The following CPNE8 variants were observed in gnomAD, a reference collection of about 807,000 sequenced individuals.
CPNE8 encodes copine 8, also known as copine-8.
A neutral mutation model predicts 81.5 loss-of-function variants in CPNE8; 45 were observed. The observed-to-expected ratio is 0.55, with a 90% confidence interval of 0.44 to 0.71. The LOEUF (loss-of-function observed/expected upper bound fraction) is 0.71, where lower values mean the gene tolerates loss of function less well. Among genes scored for constraint, CPNE8 ranks in the 30% least tolerant of loss-of-function variants. The pLI, the probability that CPNE8 is intolerant of heterozygous loss-of-function variation, is 0.00. For synonymous variants in CPNE8, 252 were observed against 226.3 expected, an observed-to-expected ratio of 1.11 and a Z score of -1.02; for missense variants, 594 against 672.1, an observed-to-expected ratio of 0.88 and a Z score of 1.28.
At chr12:38,724,794 A>G (rs1442651856) in intron 12 of CPNE8, 52 bp downstream of exon 12, 26 of 1,206,616 alleles carry the variant, frequency 2.2e-5, no homozygotes, top group Non-Finnish European at 3.0e-5. Context: ...ATCTACATAT[A>G]TGCTTATTCA....
intron 6 of CPNE8, among the ~76,000 whole-genome samples, chr12:38,819,091 C>A (rs1943072723): frequency 6.6e-6 from 1 of 152,138 alleles, no homozygotes. Context: ...GTTGCCTGTA[C>A]ACCCTAATGA....
intron 7 of CPNE8, among the ~76,000 whole-genome samples, chr12:38,772,374 T>G (rs1309533959): frequency 6.6e-6 from 1 of 151,758 alleles, no homozygotes; most frequent in Non-Finnish European, 1.5e-5. Context: ...TATAAGGAAC[T>G]CCTACAAATC....
At chr12:38,654,859 A>G (rs1008332974) in intron 19 of CPNE8, among the ~76,000 whole-genome samples, 2 of 152,162 alleles carry the variant, frequency 1.3e-5, no homozygotes, top group African/African-American at 4.8e-5. Flanking sequence ...AAAATATAAT[A>G]GTGTACATTG....
At chr12:38,903,199 C>T (rs898084504) in intron 1 of CPNE8, among the ~76,000 whole-genome samples, 1 of 152,136 alleles carries the variant, frequency 6.6e-6, no homozygotes, top group African/African-American at 2.4e-5. Context: ...TCTCTTTGCC[C>T]AAAAGATGCT....
chr12:38,753,861 G>A (rs1285999573), intron 10 of CPNE8, among the ~76,000 whole-genome samples: 1 of 152,070 alleles, frequency 6.6e-6, no homozygotes, highest in African/African-American at 2.4e-5. Flanking sequence ...ACGTCAGTAT[G>A]TACGTATAAG....
intron 3 of CPNE8, among the ~76,000 whole-genome samples, chr12:38,869,017 A>G (rs1355242979): frequency 3.9e-5 from 6 of 152,156 alleles, no homozygotes; most frequent in African/African-American, 1.4e-4. Flanking sequence ...AGATTCAACC[A>G]TTTCTGACCT....
intron 16 of CPNE8, among the ~76,000 whole-genome samples, chr12:38,682,783 G>C (rs1939439380): frequency 6.6e-6 from 1 of 152,206 alleles, no homozygotes; most frequent in Non-Finnish European, 1.5e-5. Context: ...AGAAGAAGCA[G>C]AGATTCTCTG....
chr12:38,879,482 T>C (rs1245283042), intron 1 of CPNE8, among the ~76,000 whole-genome samples: 2 of 152,184 alleles, frequency 1.3e-5, no homozygotes, highest in African/African-American at 4.8e-5. Context: ...TTGTCTATTA[T>C]ATTTATATGT....
intron 6 of CPNE8, among the ~76,000 whole-genome samples, chr12:38,798,985 A>G (rs147936365): frequency 0.013 from 1,976 of 152,334 alleles, 51 homozygotes; most frequent in African/African-American, 0.044. Context: ...GATCAATTCA[A>G]TAAGAAGAGC....
At chr12:38,824,792 G>T (rs535011374) in intron 6 of CPNE8, among the ~76,000 whole-genome samples, 1 of 152,244 alleles carries the variant, frequency 6.6e-6, no homozygotes, top group South Asian at 2.1e-4. Context: ...TCTTCTGGAG[G>T]TGTCCTATGC....
chr12:38,721,003 C>T (rs1326413193), intron 13 of CPNE8: 1 of 152,702 alleles, frequency 6.5e-6, no homozygotes, highest in Non-Finnish European at 1.5e-5. Flanking sequence ...CTCCTGCCCT[C>T]ACAGGCTCAG....
intron 10 of CPNE8, among the ~76,000 whole-genome samples, chr12:38,758,725 A>G (rs1941515565): frequency 6.6e-6 from 1 of 152,194 alleles, no homozygotes; most frequent in East Asian, 1.9e-4. Flanking sequence ...GGTATGTTAG[A>G]AACTTTCAAT....
chr12:38,758,842 C>CA (rs1941517817), intron 10 of CPNE8, among the ~76,000 whole-genome samples: 2 of 152,164 alleles, frequency 1.3e-5, no homozygotes, highest in African/African-American at 4.8e-5. Context: ...TCTTGTGGCT[C>CA]AGAAATAGAT....
rs900100116 is a variant in CPNE8, at chr12:38,855,473, G to A, written c.187-6811C>T. On this transcript the variant is annotated intron_variant, in intron 3 of 19. Coordinates refer to ENST00000331366, the MANE Select transcript of CPNE8 (RefSeq NM_153634.3). ...CATCACACTACCTGACTTCAAAATC[G>A]ATCACAATGCTACAGTTACCAACAC... 1.7e-4 allele frequency among the ~76,000 whole-genome samples: 26 copies of A among 152,014 alleles called. No homozygotes were observed. In the East Asian group the frequency reaches 5.0e-3, roughly 29 times the overall value.
Position 38,787,234 on chromosome 12 carries a change from A to G in CPNE8, c.408-10933T>C, listed in dbSNP as rs143722798. ...CAAAACAAGTCTAAAAACATTCAAA[A>G]AATTGAAATAATATTAAGCATTTTC... On this transcript the variant is annotated intron_variant, in intron 6 of 19. Coordinates refer to ENST00000331366, the MANE Select transcript of CPNE8 (RefSeq NM_153634.3). 1.4e-4 allele frequency among the ~76,000 whole-genome samples: 21 copies of G among 152,242 alleles called. No individual in the cohort carries two copies. In the East Asian group the frequency reaches 4.0e-3, roughly 29 times the overall value.
At chr12:38,793,616 T>G (rs943235833) in intron 6 of CPNE8, among the ~76,000 whole-genome samples, 4 of 152,014 alleles carry the variant, frequency 2.6e-5, no homozygotes, top group Admixed American at 2.6e-4. Flanking sequence ...TTGGAAGCTT[T>G]AATGTTGTTA....
At chr12:38,847,446 T>G (rs1943577823) in intron 4 of CPNE8, among the ~76,000 whole-genome samples, 1 of 152,200 alleles carries the variant, frequency 6.6e-6, no homozygotes, top group African/African-American at 2.4e-5. Flanking sequence ...CAACGCTATG[T>G]GCAGCCTCTA....
intron 15 of CPNE8, among the ~76,000 whole-genome samples, chr12:38,689,769 C>CTT (rs1939628924): frequency 6.6e-6 from 1 of 152,196 alleles, no homozygotes; most frequent in Non-Finnish European, 1.5e-5. Flanking sequence ...GGAAGACCTT[C>CTT]TTTTAAGGAC....
At chr12:38,800,984 C>A (rs1173739025) in intron 6 of CPNE8, among the ~76,000 whole-genome samples, 1 of 149,892 alleles carries the variant, frequency 6.7e-6, no homozygotes, top group Non-Finnish European at 1.5e-5. Context: ...ATGAGCAAAG[C>A]CTCCAAGAAA....
Sources: allele counts gnomAD v4.1 joint callset (sites outside exome capture counted in the v4.1 genomes callset), GRCh38; gene constraint gnomAD v4.1.1; transcripts MANE v1.5; gene names NCBI Gene and HGNC (gene_info 2026-07-23, HGNC 2026-07-21).